The following NPAS3 variants were observed in gnomAD, a reference collection of about 807,000 sequenced individuals.
NPAS3 encodes the protein neuronal PAS domain-containing protein 3.
Under a neutral mutation model 73.1 loss-of-function variants are expected in NPAS3, and 14 were observed. The observed-to-expected ratio is 0.19, with a 90% CI of 0.13 to 0.30. The LOEUF (loss-of-function observed/expected upper bound fraction) is 0.30, where lower values mean the gene tolerates loss of function less well. NPAS3 is among the 10% of genes least tolerant of loss of function. The pLI, the probability that NPAS3 is intolerant of heterozygous loss-of-function variation, is 1.00. For synonymous variants in NPAS3, 620 were observed against 541.5 expected (o/e 1.14, Z -2.01); for missense variants, 1,096 against 1,250.0 (o/e 0.88, Z 1.86).
At chr14:33,496,482 C>T (rs2052196467) in intron 4 of NPAS3, among the ~76,000 whole-genome samples, 1 of 152,112 alleles carries the variant, frequency 6.6e-6, no homozygotes, top group East Asian at 1.9e-4. Context: ...TACAGCAGCA[C>T]ATCAAAAAGC....
chr14:33,112,549 G>T (rs2042930285), intron 2 of NPAS3, among the ~76,000 whole-genome samples: 2 of 152,224 alleles, frequency 1.3e-5, no homozygotes, highest in South Asian at 2.1e-4. Flanking sequence ...TGAGTTCATT[G>T]TAGATTCTGG....
rs140811818 is a variant in NPAS3, at chr14:32,991,368, C to A, written c.50+52002C>A. Among the ~76,000 whole-genome samples, 1,221 of 152,216 alleles carry A rather than the reference C, an allele frequency of 8.0e-3. 5 individuals carry two copies. Among genetic ancestry groups the A allele is most frequent in the Non-Finnish European group, 0.013 (881 of 68,014 alleles). ...GGAGAATGAAGATTCTCAAGGGATA[C>A]CTGGCCCTTTGGTAAAACGCAGCAT... On this transcript the variant is annotated intron_variant, in intron 1 of 11. Transcript: ENST00000356141.
chr14:33,189,882 A>G (rs17470694), intron 2 of NPAS3, among the ~76,000 whole-genome samples: 11,522 of 152,230 alleles, frequency 0.076, 567 homozygotes, highest in Non-Finnish European at 0.1. Context: ...ATCGATACAT[A>G]TAAGTGTGTT....
chr14:33,371,153 A>G (rs549798434), intron 4 of NPAS3, among the ~76,000 whole-genome samples: 1 of 152,132 alleles, frequency 6.6e-6, no homozygotes, highest in Admixed American at 6.6e-5. Flanking sequence ...AAGCCACAGG[A>G]TTTGATTTTG....
chr14:33,434,221 C>T (rs570422270), intron 4 of NPAS3, among the ~76,000 whole-genome samples: 10 of 151,326 alleles, frequency 6.6e-5, no homozygotes, highest in Non-Finnish European at 1.3e-4. Context: ...AACAAACAAA[C>T]ACAGTAATCA....
chr14:33,712,896 G>T (rs17101746), intron 6 of NPAS3, among the ~76,000 whole-genome samples: 3,667 of 152,244 alleles, frequency 0.024, 141 homozygotes, highest in African/African-American at 0.084. Context: ...TGGGAAATTA[G>T]AGGATTCATT....
At chr14:33,663,336 G>T (rs1230161090) in intron 5 of NPAS3, among the ~76,000 whole-genome samples, 1 of 152,118 alleles carries the variant, frequency 6.6e-6, no homozygotes, top group Non-Finnish European at 1.5e-5. Context: ...TGAGGTTTTT[G>T]TCATTGGTTC....
chr14:33,800,799 A>G lies in NPAS3; in HGVS notation c.2492A>G (p.Tyr831Cys). The G allele has an allele frequency of 6.3e-7, 1 of 1,591,786 alleles. No individual in the cohort carries two copies. Among genetic ancestry groups the G allele is most frequent in the East Asian group, 2.3e-5 (1 of 43,820 alleles). ...GTCTACACCACGGGCACCATCCGCT[A>G]CGCGCCCGCCGAGGTGACCCTGGCC... Residue 831 changes from tyrosine to cysteine, a missense_variant, in exon 12 of 12, where the codon TAC becomes TGC. Tyr to Cys is a radical substitution (Grantham distance 194). Coordinates refer to ENST00000356141, the Ensembl canonical transcript of NPAS3. The surrounding 1 kb of genome is among the most constrained non-coding windows in gnomAD (Gnocchi z 6.5).
intron 7 of NPAS3, among the ~76,000 whole-genome samples, chr14:33,770,603 T>C (rs528085529): frequency 3.9e-5 from 6 of 152,332 alleles, no homozygotes; most frequent in African/African-American, 1.4e-4. Flanking sequence ...AAAATACCTT[T>C]TGTTAACTTT....
At chr14:33,360,637 A>C (rs987583433) in intron 3 of NPAS3, among the ~76,000 whole-genome samples, 10 of 152,198 alleles carry the variant, frequency 6.6e-5, no homozygotes, top group Non-Finnish European at 1.0e-4. Flanking sequence ...CCCACCCCCC[A>C]AAAAAGTACT....
At position 32,994,630 on chromosome 14, in the gene NPAS3, G is replaced by GTTTTTTTTT. The variant is rs777136450; in HGVS notation, c.50+55269_50+55270insTTTTTTTTT. Among the ~76,000 whole-genome samples the GTTTTTTTTT allele has an allele frequency of 1.9e-3, 232 of 123,546 alleles. 3 individuals carry two copies. The highest frequency in any genetic ancestry group is 3.4e-3 in the Admixed American group (43 of 12,468). The allele number at this position is 123,546 out of a possible 152,430, so 81.1% of individuals were successfully genotyped here. The stretch of plus-strand genomic sequence containing the variant: ...ATTCTAGTTTTTTGTTTGTTTGTTT[G>GTTTTTTTTT]TTTTTGTTTTTTTTTTTTTGAGACA... On this transcript the variant is annotated intron_variant, in intron 1 of 11. Transcript: ENST00000356141.
At chr14:33,252,735 T>C (rs1438455201) in intron 3 of NPAS3, among the ~76,000 whole-genome samples, 1 of 151,916 alleles carries the variant, frequency 6.6e-6, no homozygotes, top group Non-Finnish European at 1.5e-5. Flanking sequence ...AGTGTACCCA[T>C]CACCCAAATA....
chr14:33,791,731 T>C (rs1316897963), intron 9 of NPAS3, among the ~76,000 whole-genome samples: 3 of 152,242 alleles, frequency 2.0e-5, no homozygotes, highest in African/African-American at 4.8e-5. Context: ...TTGTATACTT[T>C]GTAAAGTGGA....
intron 3 of NPAS3, among the ~76,000 whole-genome samples, chr14:33,328,498 G>A (rs1468935697): frequency 8.3e-5 from 7 of 84,556 alleles, no homozygotes; most frequent in Admixed American, 1.9e-4. Flanking sequence ...ACAGAGTCTC[G>A]CTCTGTCACC....
intron 4 of NPAS3, among the ~76,000 whole-genome samples, chr14:33,470,499 T>A (rs1289125536): frequency 6.6e-6 from 1 of 152,186 alleles, no homozygotes; most frequent in Non-Finnish European, 1.5e-5. Flanking sequence ...CAAGTTTTGC[T>A]GGAAACCAAA....
At chr14:33,620,926 A>T (rs1447235881) in intron 5 of NPAS3, among the ~76,000 whole-genome samples, 1 of 152,162 alleles carries the variant, frequency 6.6e-6, no homozygotes, top group East Asian at 1.9e-4. Flanking sequence ...ACGTGTGGTT[A>T]TATGTCATCT....
In NPAS3 at chr14:33,379,248, G is replaced by C. The variant is rs533434298; in HGVS notation, c.468+11980G>C. ...TTTCTTCAAGTTGCTATTTTACCAAGTTTTTTGGTAAAACTTCAAAACACT... is the reference window on the plus strand; with the variant it reads ...TTTCTTCAAGTTGCTATTTTACCAACTTTTTTGGTAAAACTTCAAAACACT... On this transcript the variant is annotated intron_variant, in intron 4 of 11. Transcript: ENST00000356141. 3.3e-5 allele frequency among the ~76,000 whole-genome samples: 5 copies of C among 150,646 alleles called. No individual in the cohort carries two copies. The South Asian group carries it at 1.0e-3, about 32-fold the overall frequency.
chr14:33,020,645 A>G (rs1425125339), intron 1 of NPAS3, among the ~76,000 whole-genome samples: 4 of 152,164 alleles, frequency 2.6e-5, no homozygotes, highest in Admixed American at 2.6e-4. Flanking sequence ...CAAGGATCTC[A>G]GTGGCTATTT....
At position 33,269,038 on chromosome 14, in the gene NPAS3, A is replaced by G. The variant is rs190773005; in HGVS notation, c.385+53612A>G. 2.7e-3 allele frequency among the ~76,000 whole-genome samples: 413 copies of G among 152,210 alleles called. 1 individual carries two copies. The highest frequency in any genetic ancestry group is 9.4e-3 in the African/African-American group (390 of 41,530). On this transcript the variant is annotated intron_variant, in intron 3 of 11. Transcript: ENST00000356141. ...TGCGATCTAGTGCATCCACCCTTCCATTTGTTTCCCCGATTTCCAGGCAAG... is the reference window on the plus strand; with the variant it reads ...TGCGATCTAGTGCATCCACCCTTCCGTTTGTTTCCCCGATTTCCAGGCAAG...
Sources: allele counts gnomAD v4.1 joint callset (sites outside exome capture counted in the v4.1 genomes callset), GRCh38; gene constraint gnomAD v4.1.1; non-coding constraint Gnocchi (gnomAD v3.1); transcripts MANE v1.5; gene names NCBI Gene and HGNC (gene_info 2026-07-23, HGNC 2026-07-21).